INPP4B: variants seen among roughly 807,000 people sequenced by gnomAD.
INPP4B encodes inositol polyphosphate-4-phosphatase type II B.
Under a neutral mutation model 122.5 loss-of-function variants are expected in INPP4B, and 55 were observed. The observed-to-expected ratio is 0.45, with a 90% CI of 0.36 to 0.56. INPP4B has a LOEUF of 0.56. Ranked by LOEUF, INPP4B falls within the 20% of genes least tolerant of loss-of-function variation. The pLI is 0.00. For synonymous variants in INPP4B, 403 were observed against 388.7 expected, an observed-to-expected ratio of 1.04 and a Z score of -0.43; for missense variants, 1,000 against 1,097.7, an observed-to-expected ratio of 0.91 and a Z score of 1.26.
intron 11 of INPP4B, among the ~76,000 whole-genome samples, chr4:142,260,027 C>T (rs564053009): frequency 3.9e-5 from 6 of 152,270 alleles, no homozygotes. Flanking sequence ...ACTCTGTCTC[C>T]AAGCTGGAGT....
chr4:142,664,647 A>AT (rs376552322), intron 2 of INPP4B, among the ~76,000 whole-genome samples: 10 of 152,198 alleles, frequency 6.6e-5, no homozygotes, highest in South Asian at 2.1e-4. Context: ...AGTTTTAAGA[A>AT]TTTTTTTTAA....
intron 2 of INPP4B, among the ~76,000 whole-genome samples, chr4:142,699,078 A>T (rs1418346071): frequency 2.6e-5 from 4 of 152,132 alleles, no homozygotes; most frequent in Non-Finnish European, 5.9e-5. Flanking sequence ...GAGGTGGTGC[A>T]TGGGTGGGGT....
At chr4:142,634,447 T>A (rs1748660767) in intron 2 of INPP4B, among the ~76,000 whole-genome samples, 1 of 152,086 alleles carries the variant, frequency 6.6e-6, no homozygotes, top group African/African-American at 2.4e-5. Context: ...AAACCTTATG[T>A]AAGAAAAATC....
chr4:142,655,089 TTC>T (rs1447823647), intron 2 of INPP4B, among the ~76,000 whole-genome samples: 2 of 152,200 alleles, frequency 1.3e-5, no homozygotes, highest in Non-Finnish European at 2.9e-5. Flanking sequence ...AATTCAGAGT[TTC>T]TGTCTTCTAA....
chr4:142,507,355 G>C (rs1001142265), intron 2 of INPP4B, among the ~76,000 whole-genome samples: 1 of 152,170 alleles, frequency 6.6e-6, no homozygotes, highest in Admixed American at 6.5e-5. Context: ...GAACTTTGTT[G>C]TATCTGCTGT....
At chr4:142,663,340 A>G (rs1221334432) in intron 2 of INPP4B, among the ~76,000 whole-genome samples, 1 of 152,218 alleles carries the variant, frequency 6.6e-6, no homozygotes, top group Non-Finnish European at 1.5e-5. Context: ...AATAATGAGA[A>G]CAGGTCTGTA....
intron 7 of INPP4B, among the ~76,000 whole-genome samples, chr4:142,346,797 A>G (rs1454662959): frequency 6.6e-6 from 1 of 152,084 alleles, no homozygotes; most frequent in Non-Finnish European, 1.5e-5. Flanking sequence ...TTATATAAAG[A>G]TACAATATTG....
chr4:142,545,684 C>CACATATATATGTGTATATATAT lies in INPP4B; in HGVS notation c.-190-82959_-190-82958insATATATATACACATATATATGT, dbSNP rs1458649442. On this transcript the variant is annotated intron_variant, in intron 2 of 25. Transcript: ENST00000262992. ...AGAACAAGAGATATTAGATTTAATA[C>CACATATATATGTGTATATATAT]ACACATATATATGTGTATATATATG... Among the ~76,000 whole-genome samples, 120 of 144,060 alleles carry CACATATATATGTGTATATATAT rather than the reference C, an allele frequency of 8.3e-4. 1 individual carries two copies. Among genetic ancestry groups the CACATATATATGTGTATATATAT allele is most frequent in the South Asian group, 1.8e-3 (8 of 4,570 alleles). 94.5% of individuals were successfully genotyped at this position (144,060 alleles called of 152,430 possible). A position where few individuals can be genotyped will look rare whatever the true frequency, so the allele number is the denominator to read the frequency against.
intron 2 of INPP4B, among the ~76,000 whole-genome samples, chr4:142,610,852 A>G (rs1317952726): frequency 6.6e-6 from 1 of 152,206 alleles, no homozygotes; most frequent in African/African-American, 2.4e-5. Flanking sequence ...CATTTTTTAA[A>G]AAAATAAGAT....
At chr4:142,515,678 G>C (rs1163098066) in intron 2 of INPP4B, among the ~76,000 whole-genome samples, 4 of 152,182 alleles carry the variant, frequency 2.6e-5, no homozygotes, top group Non-Finnish European at 5.9e-5. Flanking sequence ...GCTTGAGCCA[G>C]AAGGCTCCTT....
chr4:142,681,977 C>A (rs1336669400), intron 2 of INPP4B, among the ~76,000 whole-genome samples: 1 of 151,826 alleles, frequency 6.6e-6, no homozygotes, highest in Non-Finnish European at 1.5e-5. Context: ...CAATTCTTTT[C>A]CTCTTCAACG....
intron 9 of INPP4B, among the ~76,000 whole-genome samples, chr4:142,274,229 G>A (rs1483057147): frequency 1.3e-5 from 2 of 151,776 alleles, no homozygotes; most frequent in Non-Finnish European, 3.0e-5. Flanking sequence ...ATTAAAGAGA[G>A]TTCTGTGCTA....
rs1399024549 is a variant in INPP4B, at chr4:142,023,446, T to G, written c.*5336A>C. On this transcript the variant is annotated 3_prime_UTR_variant, in exon 26 of 26. Coordinates refer to ENST00000262992, the MANE Select transcript of INPP4B (RefSeq NM_001101669.3). ...AAAATATCCACACGAGAAGTATGTG[T>G]ATACAAAGTATTGTATGTATGCAGT... The G allele has an allele frequency of 6.6e-6, 1 of 152,236 alleles. No homozygotes were observed. Among genetic ancestry groups the G allele is most frequent in the East Asian group, 1.9e-4 (1 of 5,200 alleles). The allele number at this position is 152,236 out of a possible 1,614,324, so 9.4% of individuals were successfully genotyped here.
intron 2 of INPP4B, among the ~76,000 whole-genome samples, chr4:142,695,794 G>C (rs900576531): frequency 6.6e-6 from 1 of 152,148 alleles, no homozygotes; most frequent in Admixed American, 6.5e-5. Context: ...TAGTTGTCAG[G>C]CATAATGCTT....
intron 2 of INPP4B, among the ~76,000 whole-genome samples, chr4:142,679,628 T>C (rs888449733): frequency 4.0e-5 from 6 of 151,816 alleles, no homozygotes; most frequent in Non-Finnish European, 8.8e-5. Flanking sequence ...TTGGCATGCA[T>C]TTAACCATAG....
At chr4:142,314,407 C>T (rs1255700248) in intron 8 of INPP4B, among the ~76,000 whole-genome samples, 1 of 152,146 alleles carries the variant, frequency 6.6e-6, no homozygotes, top group Non-Finnish European at 1.5e-5. Context: ...TAATTTCCCT[C>T]ACCTCCTGTT....
intron 25 of INPP4B, chr4:142,029,286 C>A (rs920563559): frequency 4.0e-6 from 4 of 987,890 alleles, no homozygotes; most frequent in Non-Finnish European, 4.8e-6. Flanking sequence ...CTATATGTAG[C>A]CCTAAGGATG....
intron 2 of INPP4B, among the ~76,000 whole-genome samples, chr4:142,671,221 C>T (rs1201362915): frequency 6.6e-6 from 1 of 152,056 alleles, no homozygotes; most frequent in Non-Finnish European, 1.5e-5. Context: ...TAAATCTATA[C>T]TAAGGCCTGG....
intron 1 of INPP4B, among the ~76,000 whole-genome samples, chr4:142,731,942 C>A (rs545080166): frequency 6.6e-6 from 1 of 152,230 alleles, no homozygotes; most frequent in South Asian, 2.1e-4. Flanking sequence ...GAATAGGAGA[C>A]AGGGGAGTGC....
Sources: allele counts gnomAD v4.1 joint callset (sites outside exome capture counted in the v4.1 genomes callset), GRCh38; gene constraint gnomAD v4.1.1; transcripts MANE v1.5; gene names NCBI Gene and HGNC (gene_info 2026-07-23, HGNC 2026-07-21).